The following CYP19A1 variants were observed in gnomAD, a reference collection of about 807,000 sequenced individuals.
CYP19A1 encodes aromatase.
In CYP19A1, 32 loss-of-function variants were observed where a neutral mutation model predicts 44.4. That is an observed-to-expected ratio of 0.72 (90% CI 0.54 to 0.97). The LOEUF is 0.97. Among genes scored for constraint, CYP19A1 ranks in the 50% least tolerant of loss-of-function variants. The pLI is 0.00. For missense variants in CYP19A1, 598 were observed against 637.8 expected (o/e 0.94, Z 0.67); for synonymous variants, 212 against 215.6 (o/e 0.98, Z 0.14).
At chr15:51,226,567 C>A (rs1036039179) in intron 4 of CYP19A1, among the ~76,000 whole-genome samples, 3 of 152,172 alleles carry the variant, frequency 2.0e-5, no homozygotes, top group Non-Finnish European at 4.4e-5. Context: ...TAGCTCCCCC[C>A]ATCTCAGCAG....
chr15:51,296,267 C>A (rs1420588276), intron 1 of CYP19A1, among the ~76,000 whole-genome samples: 1 of 151,832 alleles, frequency 6.6e-6, no homozygotes, highest in Non-Finnish European at 1.5e-5. Context: ...AGAAAGAGTC[C>A]GAGGAGAAGA....
chr15:51,282,748 A>G (rs1164527097), intron 1 of CYP19A1, among the ~76,000 whole-genome samples: 1 of 152,244 alleles, frequency 6.6e-6, no homozygotes. Flanking sequence ...AGAGCATGTG[A>G]AAGCAGGGGA....
rs754668741 is a variant in CYP19A1 at position 51,210,818 on chromosome 15, A to G, written c.1502T>C (p.Leu501Pro). 6 of 1,590,478 alleles carry G rather than the reference A, an allele frequency of 3.8e-6. No individual in the cohort carries two copies. Among genetic ancestry groups the G allele is most frequent in the Middle Eastern group, 1.7e-4 (1 of 6,022 alleles). ...IFTPRNSDRCLEH is the reference protein window; with the variant it reads ...IFTPRNSDRCPEH Reference sequence around the variant, plus strand: ...ACTGACCAGCCTTCTCTAGTGTTCCAGACACCTGTCTGAGTTTCTTGGGGT... The same window carrying G: ...ACTGACCAGCCTTCTCTAGTGTTCCGGACACCTGTCTGAGTTTCTTGGGGT... The change falls in exon 10 of 10, where the codon CTG (leucine) becomes CCG (proline). Residue 501 changes from leucine to proline, a missense_variant. Coordinates refer to ENST00000396402, the MANE Select transcript of CYP19A1 (RefSeq NM_000103.4).
intron 1 of CYP19A1, among the ~76,000 whole-genome samples, chr15:51,249,573 C>T (rs1418199970): frequency 1.3e-5 from 2 of 152,148 alleles, no homozygotes; most frequent in Non-Finnish European, 2.9e-5. Flanking sequence ...CAGGGTACTA[C>T]ATTCAGACAT....
intron 1 of CYP19A1, among the ~76,000 whole-genome samples, chr15:51,267,947 C>T (rs772001737): frequency 6.6e-6 from 1 of 152,196 alleles, no homozygotes; most frequent in Non-Finnish European, 1.5e-5. Context: ...CGCCCCTCCC[C>T]ACCCTGGGGA....
intron 1 of CYP19A1, among the ~76,000 whole-genome samples, chr15:51,328,697 A>AG (rs2036652956): frequency 1.3e-5 from 2 of 152,098 alleles, no homozygotes; most frequent in Admixed American, 1.3e-4. Context: ...ACTGGGTCAT[A>AG]GGGTGCCCAG....
intron 3 of CYP19A1, among the ~76,000 whole-genome samples, chr15:51,231,754 T>C (rs377093200): frequency 1.7e-4 from 26 of 152,108 alleles, no homozygotes; most frequent in African/African-American, 5.3e-4. Context: ...ACTCTCTCAC[T>C]CTTCTAGATG....
intron 2 of CYP19A1, 110 bp downstream of exon 2, chr15:51,242,658 A>C: frequency 1.4e-6 from 1 of 721,656 alleles, no homozygotes; most frequent in East Asian, 2.7e-5. Context: ...TAGTCTTCAG[A>C]GATCTTTCCA....
chr15:51,263,886 G>C (rs915413566), intron 1 of CYP19A1, among the ~76,000 whole-genome samples: 1 of 152,224 alleles, frequency 6.6e-6, no homozygotes, highest in African/African-American at 2.4e-5. Flanking sequence ...AGTTTGGAGA[G>C]CATGAAGTTG....
At chr15:51,240,346 C>T (rs937168149) in intron 2 of CYP19A1, among the ~76,000 whole-genome samples, 3 of 152,158 alleles carry the variant, frequency 2.0e-5, no homozygotes, top group Admixed American at 6.5e-5. Context: ...CTTTGAGTCT[C>T]AGTTTTGCCA....
chr15:51,290,508 C>T (rs1283531107), intron 1 of CYP19A1, among the ~76,000 whole-genome samples: 1 of 152,340 alleles, frequency 6.6e-6, no homozygotes, highest in East Asian at 1.9e-4. Flanking sequence ...ACAACCAAAC[C>T]TCACCTGTTT....
intron 7 of CYP19A1, 135 bp downstream of exon 7, chr15:51,215,568 G>T: frequency 6.5e-7 from 1 of 1,545,472 alleles, no homozygotes. Context: ...GGGCTATTTG[G>T]ATTGGGATTA....
intron 2 of CYP19A1, among the ~76,000 whole-genome samples, chr15:51,238,099 T>G (rs932661735): frequency 6.6e-6 from 1 of 152,266 alleles, no homozygotes; most frequent in Non-Finnish European, 1.5e-5. Context: ...TTTTACTTTG[T>G]AATAGCTGAG....
At chr15:51,278,093 G>A (rs1357323720) in intron 1 of CYP19A1, 1 of 151,746 alleles carries the variant, frequency 6.6e-6, no homozygotes, top group Non-Finnish European at 1.5e-5. Context: ...GAACCAGGTG[G>A]CTTTTCTGGC....
intron 1 of CYP19A1, among the ~76,000 whole-genome samples, chr15:51,287,064 G>C (rs1230401832): frequency 2.0e-5 from 3 of 152,148 alleles, no homozygotes; most frequent in Non-Finnish European, 4.4e-5. Context: ...GCCGCCACCA[G>C]GTGTCCCACC....
At position 51,212,713 on chromosome 15, in the gene CYP19A1, A is replaced by C. The variant is rs1022314518; in HGVS notation, c.1022-152T>G. 4.7e-6 allele frequency: 3 copies of C among 644,732 alleles called. No homozygotes were observed. The African/African-American group carries it at 5.5e-5, about 12-fold the overall frequency. The allele number at this position is 644,732 out of a possible 1,614,324, so 39.9% of individuals were successfully genotyped here. On this transcript the variant is annotated intron_variant, in intron 8 of 9. Coordinates refer to ENST00000396402, the MANE Select transcript of CYP19A1 (RefSeq NM_000103.4). ...AATGCACACCAGCAACCAGGGCCAA[A>C]TATGTTATGCTTGGGCCACAGAGTG...
At chr15:51,263,822 G>A (rs946721699) in intron 1 of CYP19A1, among the ~76,000 whole-genome samples, 3 of 152,194 alleles carry the variant, frequency 2.0e-5, no homozygotes, top group Non-Finnish European at 2.9e-5. Flanking sequence ...GAACATGGAG[G>A]GAGCTTCTAG....
chr15:51,275,919 C>G (rs368133320), intron 1 of CYP19A1, among the ~76,000 whole-genome samples: 1 of 152,152 alleles, frequency 6.6e-6, no homozygotes, highest in Non-Finnish European at 1.5e-5. Context: ...GCTGTGTCCC[C>G]CCGGCCAGCC....
intron 5 of CYP19A1, among the ~76,000 whole-genome samples, chr15:51,219,566 A>C (rs2031893101): frequency 6.6e-6 from 1 of 152,242 alleles, no homozygotes; most frequent in Non-Finnish European, 1.5e-5. Flanking sequence ...AGTGTGGCTG[A>C]CAGGCAGGCC....
Sources: allele counts gnomAD v4.1 joint callset (sites outside exome capture counted in the v4.1 genomes callset), GRCh38; gene constraint gnomAD v4.1.1; transcripts MANE v1.5; gene names NCBI Gene and HGNC (gene_info 2026-07-23, HGNC 2026-07-21).